Variants in CCAR1 observed in about 807,000 individuals in gnomAD.
The protein encoded by CCAR1 is cell division cycle and apoptosis regulator 1.
Under a neutral mutation model 163.8 loss-of-function variants are expected in CCAR1, and 78 were observed. That is an observed-to-expected ratio of 0.48 (90% CI 0.40 to 0.57). The LOEUF is 0.57. CCAR1 is among the 20% of genes least tolerant of loss of function. The probability of loss-of-function intolerance (pLI) is 0.00; values close to 1 mark genes in which losing one functional copy is unlikely to be tolerated. For missense variants in CCAR1, 1,019 were observed against 1,365.2 expected (o/e 0.75, Z 4.00); for synonymous variants, 443 against 460.7 (o/e 0.96, Z 0.49).
intron 5 of CCAR1, among the ~76,000 whole-genome samples, chr10:68,741,906 C>G (rs977300502): frequency 1.3e-5 from 2 of 152,138 alleles, no homozygotes; most frequent in African/African-American, 4.8e-5. Context: ...TAAAGAACTA[C>G]AGTTGGTTAA....
intron 2 of CCAR1, among the ~76,000 whole-genome samples, chr10:68,729,895 T>C (rs959091507): frequency 1.6e-4 from 24 of 148,942 alleles, no homozygotes; most frequent in African/African-American, 5.7e-4. Flanking sequence ...TTTTGAATTT[T>C]ATTCATTATT....
At chr10:68,780,785 T>C (rs1251328632) in intron 19 of CCAR1, among the ~76,000 whole-genome samples, 2 of 152,212 alleles carry the variant, frequency 1.3e-5, no homozygotes, top group Non-Finnish European at 1.5e-5. Context: ...AATACTATTA[T>C]ACATGTTTTG....
At chr10:68,758,709 G>GTCT (rs140462030) in intron 15 of CCAR1, among the ~76,000 whole-genome samples, 2,495 of 149,018 alleles carry the variant, frequency 0.017, 77 homozygotes, top group African/African-American at 0.058. Flanking sequence ...TTGAGACAGA[G>GTCT]TCTTGCTTTG....
chr10:68,788,956 C>T (rs1220718754), intron 23 of CCAR1, among the ~76,000 whole-genome samples: 3 of 150,620 alleles, frequency 2.0e-5, no homozygotes, highest in Non-Finnish European at 4.4e-5. Flanking sequence ...GTCACCCAGG[C>T]TGGAGTGCAG....
intron 11 of CCAR1, 148 bp from the exon 12 acceptor site, chr10:68,754,566 A>C (rs1383410726): frequency 1.8e-6 from 1 of 547,442 alleles, no homozygotes; most frequent in Admixed American, 3.5e-5. Flanking sequence ...TGGGAGGCTG[A>C]GGTATCTAAT....
At chr10:68,747,925 C>T (rs1011058248) in intron 8 of CCAR1, among the ~76,000 whole-genome samples, 1 of 152,142 alleles carries the variant, frequency 6.6e-6, no homozygotes, top group African/African-American at 2.4e-5. Flanking sequence ...GCAATCTGGG[C>T]TCACTGCAAC....
At chr10:68,724,989 G>T (rs1694345) in intron 2 of CCAR1, among the ~76,000 whole-genome samples, 130,125 of 151,556 alleles carry the variant, frequency 0.86, 56,260 homozygotes, top group East Asian at 0.97. Flanking sequence ...AAATACAAAG[G>T]TAGCCTGGCG....
At chr10:68,748,514 G>A (rs1213487342) in intron 8 of CCAR1, among the ~76,000 whole-genome samples, 1 of 144,838 alleles carries the variant, frequency 6.9e-6, no homozygotes, top group Non-Finnish European at 1.5e-5. Context: ...TTTGAGGCAG[G>A]GTTTCTCTCT....
At chr10:68,757,886 G>A (rs184875126) in intron 15 of CCAR1, among the ~76,000 whole-genome samples, 1 of 149,502 alleles carries the variant, frequency 6.7e-6, no homozygotes, top group African/African-American at 2.5e-5. Flanking sequence ...GACTATAGGC[G>A]CCTGCCACCA....
At chr10:68,771,517 A>T (rs560085608) in intron 18 of CCAR1, 72 bp downstream of exon 18, 1 of 1,346,502 alleles carries the variant, frequency 7.4e-7, no homozygotes, top group Non-Finnish European at 1.0e-6. Flanking sequence ...GTTGATTTCC[A>T]TCAGAATATT....
At position 68,755,500 on chromosome 10, in the gene CCAR1, C is replaced by T; in HGVS notation, c.1589C>T (p.Ala530Val). The change falls in exon 13 of 25, where the codon GCT (alanine) becomes GTT (valine). Residue 530 changes from alanine (A) to valine (V), a missense_variant. Around this residue, in one of 4 missense-constraint regions of CCAR1, gnomAD observed 644 missense variants for 904.4 expected, o/e 0.71. Coordinates refer to ENST00000265872, the MANE Select transcript of CCAR1 (RefSeq NM_018237.4). ...AAGACTGCTATTCGTTGTTGTAAGG[C>T]TCTGACAGGCATTGATCTAAGTGTG... ...LIKTAIRCCK[A>V]LTGIDLSVCT... The T allele has an allele frequency of 1.2e-6, 2 of 1,614,074 alleles. No individual in the cohort carries two copies. Among genetic ancestry groups the T allele is most frequent in the African/African-American group, 1.3e-5 (1 of 75,030 alleles).
At chr10:68,769,722 A>T (rs570001360) in intron 17 of CCAR1, among the ~76,000 whole-genome samples, 24 of 151,802 alleles carry the variant, frequency 1.6e-4, no homozygotes, top group Non-Finnish European at 2.9e-4. Context: ...CGGGGGGATC[A>T]TGAGGCCAGG....
intron 10 of CCAR1, among the ~76,000 whole-genome samples, chr10:68,752,986 G>A (rs1349347567): frequency 6.6e-6 from 1 of 150,584 alleles, no homozygotes; most frequent in African/African-American, 2.4e-5. Flanking sequence ...GAATAGGTAG[G>A]CAGGTAATAG....
chr10:68,731,325 A>T (rs1217387115), intron 2 of CCAR1, among the ~76,000 whole-genome samples: 2 of 152,222 alleles, frequency 1.3e-5, no homozygotes, highest in Non-Finnish European at 2.9e-5. Context: ...ATATTCAAGG[A>T]TAGCTTCTCA....
At chr10:68,725,244 C>T (rs768279790) in intron 2 of CCAR1, among the ~76,000 whole-genome samples, 1 of 151,938 alleles carries the variant, frequency 6.6e-6, no homozygotes, top group Non-Finnish European at 1.5e-5. Flanking sequence ...GTGGGCATAT[C>T]ACTGAGGTCG....
intron 1 of CCAR1, 68 bp from the exon 2 acceptor site, chr10:68,722,387 A>G (rs778136151): frequency 2.7e-5 from 22 of 817,728 alleles, no homozygotes; most frequent in African/African-American, 5.1e-5. Flanking sequence ...ATTTCTTTCT[A>G]TTGTAATATC....
chr10:68,723,840 T>TC (rs2055898230), intron 2 of CCAR1, among the ~76,000 whole-genome samples: 2 of 118,264 alleles, frequency 1.7e-5, no homozygotes, highest in African/African-American at 6.7e-5. Context: ...AGAGCAGGAC[T>TC]CCATCTCAAA....
At chr10:68,736,088 G>C (rs56369145) in intron 2 of CCAR1, among the ~76,000 whole-genome samples, 2 of 152,148 alleles carry the variant, frequency 1.3e-5, no homozygotes, top group African/African-American at 4.8e-5. Context: ...CTTGACCTCA[G>C]GTGATCCTCC....
In CCAR1 at chr10:68,761,069, G is replaced by C; in HGVS notation, c.1983G>C (p.Gln661His). The C allele has an allele frequency of 6.2e-7, 1 of 1,601,676 alleles. No individual in the cohort carries two copies. The highest frequency in any genetic ancestry group is 8.5e-7 in the Non-Finnish European group (1 of 1,175,128). ...TTAGTTCCAAAGGATTAAAATCCCA[G>C]TTAATAGCCCGATTGACAAAACAGC... ...RALSSKGLKSQLIARLTKQLK... is the reference protein window; with the variant it reads ...RALSSKGLKSHLIARLTKQLK... Residue 661 changes from glutamine to histidine, a missense_variant, in exon 16 of 25, where the codon CAG becomes CAC. Transcript: ENST00000265872.
Sources: gnomAD v4.1 joint callset for allele counts (sites outside exome capture counted in the v4.1 genomes callset) on GRCh38, gnomAD v4.1.1 for gene constraint, gnomAD v4.1.1 regional missense constraint, MANE v1.5 for transcripts, NCBI Gene and HGNC (gene_info 2026-07-23, HGNC 2026-07-21) for gene names.